Variants in LRRC4C observed in about 807,000 individuals in gnomAD.
LRRC4C encodes the protein leucine rich repeat containing 4C.
In LRRC4C, 5 loss-of-function variants were observed where a neutral mutation model predicts 33.6. That is an observed-to-expected ratio of 0.15 (90% CI 0.08 to 0.31). LRRC4C has a LOEUF of 0.31. LRRC4C is among the 10% of genes least tolerant of loss of function. The pLI is 1.00. For synonymous variants in LRRC4C, 329 were observed against 302.0 expected (o/e 1.09, Z -0.93); for missense variants, 560 against 796.7 (o/e 0.70, Z 3.58).
chr11:41,123,876 T>A (rs1942602944), intron 1 of LRRC4C, among the ~76,000 whole-genome samples: 1 of 152,126 alleles, frequency 6.6e-6, no homozygotes, highest in Admixed American at 6.5e-5. Flanking sequence ...CATGCCAGAG[T>A]TTTGCAGTCA....
intron 3 of LRRC4C, among the ~76,000 whole-genome samples, chr11:40,349,386 C>G (rs956174341): frequency 6.7e-6 from 1 of 148,810 alleles, no homozygotes; most frequent in Admixed American, 6.8e-5. Context: ...TATGTTGCTG[C>G]AAATGACAGA....
intron 1 of LRRC4C, among the ~76,000 whole-genome samples, chr11:41,341,540 T>C (rs1203191681): frequency 6.6e-6 from 1 of 152,124 alleles, no homozygotes; most frequent in Non-Finnish European, 1.5e-5. Flanking sequence ...TCAATGGAGT[T>C]TTCATTTACT....
chr11:40,780,847 T>C (rs369965803), intron 2 of LRRC4C, among the ~76,000 whole-genome samples: 1 of 151,542 alleles, frequency 6.6e-6, no homozygotes, highest in East Asian at 1.9e-4. Flanking sequence ...GAGAATCTTA[T>C]GCAGGTGAAG....
chr11:40,491,662 C>G (rs1954163678), intron 3 of LRRC4C, among the ~76,000 whole-genome samples: 1 of 152,168 alleles, frequency 6.6e-6, no homozygotes, highest in Non-Finnish European at 1.5e-5. Context: ...TTTCTCACCT[C>G]TAAACCATCT....
intron 5 of LRRC4C, among the ~76,000 whole-genome samples, chr11:40,191,858 G>A (rs1400654035): frequency 6.6e-6 from 1 of 152,072 alleles, no homozygotes; most frequent in Non-Finnish European, 1.5e-5. Flanking sequence ...TACTCAGGAG[G>A]CTGAGGCAAA....
chr11:41,111,650 T>C (rs1407476633), intron 1 of LRRC4C, among the ~76,000 whole-genome samples: 1 of 152,032 alleles, frequency 6.6e-6, no homozygotes, highest in Non-Finnish European at 1.5e-5. Flanking sequence ...CTTTGAAACA[T>C]GAAATTACAG....
intron 1 of LRRC4C, among the ~76,000 whole-genome samples, chr11:41,239,436 C>T (rs1049941195): frequency 6.6e-6 from 1 of 151,574 alleles, no homozygotes; most frequent in South Asian, 2.1e-4. Flanking sequence ...TCTCCTCTCT[C>T]TCAACTAATT....
intron 1 of LRRC4C, among the ~76,000 whole-genome samples, chr11:41,193,832 C>T (rs1946068178): frequency 6.6e-6 from 1 of 151,964 alleles, no homozygotes; most frequent in Middle Eastern, 3.4e-3. Flanking sequence ...ATGGACCCTT[C>T]TATGATACTG....
intron 1 of LRRC4C, among the ~76,000 whole-genome samples, chr11:41,051,520 CAAAAAAAAAAAAAAAAAA>C (rs530003573): frequency 1.3e-3 from 80 of 60,296 alleles, no homozygotes; most frequent in Middle Eastern, 0.015. Context: ...GGTCTCAAGG[CAAAAAAAAAAAAAAAAAA>C]AAAAAAAAAA....
chr11:40,958,822 G>A (rs1366835209), intron 1 of LRRC4C, among the ~76,000 whole-genome samples: 1 of 151,742 alleles, frequency 6.6e-6, no homozygotes, highest in African/African-American at 2.4e-5. Context: ...ATTACAACAG[G>A]AAGAGGAGCT....
At chr11:40,273,548 G>A (rs1254864096) in intron 4 of LRRC4C, among the ~76,000 whole-genome samples, 7 of 152,068 alleles carry the variant, frequency 4.6e-5, no homozygotes, top group Admixed American at 4.6e-4. Context: ...CTGCTTGGAT[G>A]GGTTCCAAGA....
chr11:41,263,621 C>T (rs1949052566), intron 1 of LRRC4C, among the ~76,000 whole-genome samples: 1 of 152,116 alleles, frequency 6.6e-6, no homozygotes, highest in Non-Finnish European at 1.5e-5. Flanking sequence ...TTTTGAGTTT[C>T]TGCTTTGAGT....
intron 3 of LRRC4C, among the ~76,000 whole-genome samples, chr11:40,507,934 T>A (rs528424104): frequency 6.6e-6 from 1 of 152,164 alleles, no homozygotes; most frequent in East Asian, 1.9e-4. Context: ...GAGAGGAGTT[T>A]TGCCATGTTG....
chr11:41,090,411 C>CAA lies in LRRC4C; in HGVS notation c.-495-156689_-495-156688insTT, dbSNP rs532495988. Among the ~76,000 whole-genome samples, 144 of 151,998 alleles carry CAA rather than the reference C, an allele frequency of 9.5e-4. 1 individual carries two copies. The highest frequency in any genetic ancestry group is 3.4e-3 in the African/African-American group (140 of 41,452). ...TTTCTCATTTCCTATATTGAGCATG[C>CAA]ACTGCATTTAAAAAAAATAAAGACA... On this transcript the variant is annotated intron_variant, in intron 1 of 6. Transcript: ENST00000528697.
chr11:40,834,911 G>GACACACACACACACACACACAC (rs10682975), intron 2 of LRRC4C, among the ~76,000 whole-genome samples: 3 of 84,932 alleles, frequency 3.5e-5, no homozygotes, highest in Non-Finnish European at 5.2e-5. Context: ...CAGACAGACA[G>GACACACACACACACACACACAC]ACACACACAC....
intron 3 of LRRC4C, among the ~76,000 whole-genome samples, chr11:40,531,579 A>G (rs1956273951): frequency 6.6e-6 from 1 of 152,134 alleles, no homozygotes; most frequent in South Asian, 2.1e-4. Flanking sequence ...TTCTTTTCTC[A>G]GGCCAGCTTC....
At chr11:40,633,371 T>TTCTTTCTTTCTCTCTC (rs745929705) in intron 3 of LRRC4C, among the ~76,000 whole-genome samples, 1,204 of 96,228 alleles carry the variant, frequency 0.013, 23 homozygotes, top group East Asian at 0.039. Context: ...CTTTCTTTCT[T>TTCTTTCTTTCTCTCTC]TCTCTCTCTT....
At chr11:40,689,306 G>A (rs976051775) in intron 2 of LRRC4C, among the ~76,000 whole-genome samples, 15 of 151,868 alleles carry the variant, frequency 9.9e-5, no homozygotes, top group African/African-American at 1.5e-4. Context: ...AGTACTGCCT[G>A]ATCCATCTTA....
chr11:40,190,068 T>A (rs1861711943), intron 5 of LRRC4C, among the ~76,000 whole-genome samples: 1 of 152,176 alleles, frequency 6.6e-6, no homozygotes. Flanking sequence ...ACTCACCTGC[T>A]TTTTCTGTTA....
Sources: gnomAD v4.1 joint callset for allele counts (sites outside exome capture counted in the v4.1 genomes callset) on GRCh38, gnomAD v4.1.1 for gene constraint, MANE v1.5 for transcripts, NCBI Gene and HGNC (gene_info 2026-07-23, HGNC 2026-07-21) for gene names.